The following NCKAP5 variants were observed in gnomAD, a reference collection of about 807,000 sequenced individuals.
NCKAP5 encodes the protein nck-associated protein 5.
Under a neutral mutation model 167.0 loss-of-function variants are expected in NCKAP5, and 92 were observed. The ratio of observed to expected loss-of-function variants is 0.55; its 90% CI spans 0.47 to 0.66. The LOEUF (loss-of-function observed/expected upper bound fraction) is 0.66, where lower values mean the gene tolerates loss of function less well. Ranked by LOEUF, NCKAP5 falls within the 30% of genes least tolerant of loss-of-function variation. The probability of loss-of-function intolerance (pLI) is 0.00; values close to 1 mark genes in which losing one functional copy is unlikely to be tolerated. For synonymous variants in NCKAP5, 891 were observed against 877.4 expected (o/e 1.02, Z -0.27); for missense variants, 2,378 against 2,315.0 (o/e 1.03, Z -0.56).
chr2:132,966,385 C>G (rs1361985971), intron 7 of NCKAP5, among the ~76,000 whole-genome samples: 1 of 152,192 alleles, frequency 6.6e-6, no homozygotes, highest in Non-Finnish European at 1.5e-5. Context: ...CAGGCCTAAG[C>G]CACCACACCT....
chr2:132,982,899 C>T (rs563979908), intron 7 of NCKAP5, among the ~76,000 whole-genome samples: 2 of 152,100 alleles, frequency 1.3e-5, no homozygotes, highest in African/African-American at 4.8e-5. Context: ...ACAACATTTT[C>T]TTTATCCAGA....
intron 18 of NCKAP5, among the ~76,000 whole-genome samples, chr2:132,726,570 CTAT>C (rs1194845012): frequency 6.6e-6 from 1 of 152,206 alleles, no homozygotes; most frequent in East Asian, 1.9e-4. Flanking sequence ...CTGTTAGAGC[CTAT>C]TATTCCTCCC....
intron 5 of NCKAP5, among the ~76,000 whole-genome samples, chr2:133,140,793 TA>T (rs973019520): frequency 4.5e-4 from 67 of 148,990 alleles, no homozygotes; most frequent in Non-Finnish European, 8.9e-4. Context: ...TAAATTATAT[TA>T]ACATTAATAA....
intron 19 of NCKAP5, among the ~76,000 whole-genome samples, chr2:132,696,626 C>T (rs993652523): frequency 5.9e-5 from 9 of 152,084 alleles, no homozygotes; most frequent in Admixed American, 2.0e-4. Flanking sequence ...TCTTTTCACT[C>T]GGATCATTAG....
chr2:132,948,036 T>C (rs1697892506), intron 8 of NCKAP5, among the ~76,000 whole-genome samples: 1 of 152,076 alleles, frequency 6.6e-6, no homozygotes, highest in Non-Finnish European at 1.5e-5. Flanking sequence ...TCCTCACAGA[T>C]GCCTCTTGGA....
intron 8 of NCKAP5, among the ~76,000 whole-genome samples, chr2:132,950,058 C>T (rs996102118): frequency 3.3e-5 from 5 of 152,272 alleles, no homozygotes; most frequent in African/African-American, 1.2e-4. Context: ...CATGCCACTG[C>T]ACTCCAGCCT....
intron 3 of NCKAP5, among the ~76,000 whole-genome samples, chr2:133,327,669 G>A (rs1682546421): frequency 6.6e-6 from 1 of 152,162 alleles, no homozygotes. Context: ...CTACATCTTT[G>A]AAAAACTGGT....
chr2:133,376,107 C>G (rs1319327604), intron 3 of NCKAP5, among the ~76,000 whole-genome samples: 1 of 152,096 alleles, frequency 6.6e-6, no homozygotes, highest in African/African-American at 2.4e-5. Context: ...AATAAATATT[C>G]AGTAGACATC....
At chr2:133,623,469 C>G in the NCKAP5 span, among the ~76,000 whole-genome samples, 1 of 151,956 alleles carries the variant, frequency 6.6e-6, no homozygotes, top group Non-Finnish European at 1.5e-5. Context: ...ATCAAACAAT[C>G]CCATCAAAAA....
At chr2:133,003,887 C>G (rs1370453940) in intron 6 of NCKAP5, among the ~76,000 whole-genome samples, 1 of 152,142 alleles carries the variant, frequency 6.6e-6, no homozygotes, top group Non-Finnish European at 1.5e-5. Context: ...AAATTTTCTC[C>G]TAGGCAGGCT....
chr2:132,777,141 G>A (rs72847208), intron 15 of NCKAP5, among the ~76,000 whole-genome samples: 27,592 of 152,154 alleles, frequency 0.18, 3,014 homozygotes, highest in East Asian at 0.29. Flanking sequence ...ACTTGTCAGT[G>A]CTTTGGGTGT....
intron 2 of NCKAP5, among the ~76,000 whole-genome samples, chr2:133,551,455 C>G (rs1319919436): frequency 1.1e-5 from 1 of 91,824 alleles, no homozygotes; most frequent in Non-Finnish European, 2.1e-5. Context: ...CTACAACTAT[C>G]TGATCTTTGA....
intron 19 of NCKAP5, among the ~76,000 whole-genome samples, chr2:132,692,105 C>CTTGAT (rs1237040427): frequency 1.6e-5 from 2 of 124,860 alleles, no homozygotes; most frequent in Admixed American, 8.2e-5. Flanking sequence ...ATGAAGCCTG[C>CTTGAT]TTGATTTTAT....
intron 3 of NCKAP5, among the ~76,000 whole-genome samples, chr2:133,442,952 G>C (rs1201128525): frequency 6.6e-6 from 1 of 152,212 alleles, no homozygotes; most frequent in African/African-American, 2.4e-5. Flanking sequence ...CTGATTTCTA[G>C]TAAGATAAAC....
At chr2:132,897,196 C>T (rs935266713) in intron 8 of NCKAP5, among the ~76,000 whole-genome samples, 1 of 152,162 alleles carries the variant, frequency 6.6e-6, no homozygotes, top group African/African-American at 2.4e-5. Context: ...CAAACCTCCA[C>T]TAAAACCCTC....
intron 8 of NCKAP5, among the ~76,000 whole-genome samples, chr2:132,937,690 A>G (rs188764986): frequency 3.9e-4 from 59 of 152,370 alleles, no homozygotes; most frequent in African/African-American, 1.4e-3. Context: ...TGACAGCAAC[A>G]TGCCAGACCA....
At chr2:133,636,328 C>A in the NCKAP5 span, among the ~76,000 whole-genome samples, 1 of 152,072 alleles carries the variant, frequency 6.6e-6, no homozygotes, top group East Asian at 1.9e-4. Context: ...GGAAAGACAG[C>A]CAGCAAAGAA....
In NCKAP5 at chr2:133,249,162, C is replaced by T. The variant is rs190996553; in HGVS notation, c.144-35383G>A. On this transcript the variant is annotated intron_variant, in intron 4 of 19. Transcript: ENST00000409261. ...AGAACTTTGAATGAGTTACCTTACA[C>T]GGTAAAAGGAACTTTGCAGGTGTAA... Among the ~76,000 whole-genome samples the T allele has an allele frequency of 2.2e-4, 34 of 152,004 alleles. 1 individual carries two copies. The highest frequency in any genetic ancestry group is 6.2e-4 in the South Asian group (3 of 4,810).
chr2:133,131,852 G>T (rs2082612991), intron 5 of NCKAP5, among the ~76,000 whole-genome samples: 1 of 151,980 alleles, frequency 6.6e-6, no homozygotes, highest in African/African-American at 2.4e-5. Flanking sequence ...ACTCTTTATG[G>T]TTATATACAC....
Sources: gnomAD v4.1 joint callset for allele counts (sites outside exome capture counted in the v4.1 genomes callset) on GRCh38, gnomAD v4.1.1 for gene constraint, MANE v1.5 for transcripts, NCBI Gene and HGNC (gene_info 2026-07-23, HGNC 2026-07-21) for gene names.